Variants in ITPR2 observed in about 807,000 individuals in gnomAD.
ITPR2 encodes the protein inositol 1,4,5-trisphosphate receptor type 2, also known as inositol 1,4,5-trisphosphate-gated calcium channel ITPR2.
Under a neutral mutation model 317.1 loss-of-function variants are expected in ITPR2, and 207 were observed. That is an observed-to-expected ratio of 0.65 (90% confidence interval 0.58 to 0.73). The LOEUF (loss-of-function observed/expected upper bound fraction) is 0.73, where lower values mean the gene tolerates loss of function less well. Among genes scored for constraint, ITPR2 ranks in the 30% least tolerant of loss-of-function variants. ITPR2 has a pLI of 0.00. For missense variants in ITPR2, 2,613 were observed against 3,284.0 expected (o/e 0.80, Z 4.99); for synonymous variants, 1,156 against 1,149.1 (o/e 1.01, Z -0.12).
intron 49 of ITPR2, among the ~76,000 whole-genome samples, chr12:26,422,519 C>T (rs1307866776): frequency 6.6e-6 from 1 of 152,102 alleles, no homozygotes; most frequent in African/African-American, 2.4e-5. Flanking sequence ...CTTTGGTAAA[C>T]CCTCCTGGTG....
intron 21 of ITPR2, chr12:26,649,035 G>A (rs529369924): frequency 2.0e-5 from 3 of 152,138 alleles, no homozygotes; most frequent in Non-Finnish European, 4.4e-5. Flanking sequence ...AACATAAATC[G>A]TTTTCCTACC....
At chr12:26,354,168 G>T (rs1938563422) in intron 55 of ITPR2, among the ~76,000 whole-genome samples, 1 of 152,110 alleles carries the variant, frequency 6.6e-6, no homozygotes, top group African/African-American at 2.4e-5. Flanking sequence ...CAGCTACTCA[G>T]GAGACTGAGG....
intron 2 of ITPR2, among the ~76,000 whole-genome samples, chr12:26,727,637 C>T (rs965719356): frequency 6.6e-6 from 1 of 152,200 alleles, no homozygotes; most frequent in African/African-American, 2.4e-5. Flanking sequence ...TGAAGCCAAA[C>T]TTTCAGCCAA....
intron 2 of ITPR2, among the ~76,000 whole-genome samples, chr12:26,728,745 A>G (rs933173744): frequency 3.9e-5 from 6 of 152,228 alleles, no homozygotes; most frequent in African/African-American, 1.4e-4. Flanking sequence ...AGGGTTGCTG[A>G]GATGAGCAAA....
At chr12:26,356,934 T>C (rs939157456) in intron 55 of ITPR2, among the ~76,000 whole-genome samples, 1 of 152,252 alleles carries the variant, frequency 6.6e-6, no homozygotes, top group South Asian at 2.1e-4. Context: ...GACTTTAAGA[T>C]ACTGAAATAG....
chr12:26,457,371 G>C (rs1223122088), intron 45 of ITPR2, among the ~76,000 whole-genome samples: 1 of 152,172 alleles, frequency 6.6e-6, no homozygotes, highest in Non-Finnish European at 1.5e-5. Context: ...CCAGAGAGAG[G>C]GGAGATGGGG....
At chr12:26,398,075 T>A (rs1025167700) in intron 54 of ITPR2, among the ~76,000 whole-genome samples, 23 of 151,056 alleles carry the variant, frequency 1.5e-4, no homozygotes, top group African/African-American at 5.1e-4. Context: ...TGTGTGTGTG[T>A]GTGTGTGTGT....
chr12:26,550,886 C>A (rs1326061049), intron 36 of ITPR2, among the ~76,000 whole-genome samples: 1 of 151,766 alleles, frequency 6.6e-6, no homozygotes, highest in Non-Finnish European at 1.5e-5. Flanking sequence ...GTATTAAGAG[C>A]AAAAAACAAA....
intron 37 of ITPR2, among the ~76,000 whole-genome samples, chr12:26,514,914 A>G (rs1943447086): frequency 6.6e-6 from 1 of 152,258 alleles, no homozygotes; most frequent in Non-Finnish European, 1.5e-5. Flanking sequence ...GTCTGGAACT[A>G]TAACAAAAGA....
chr12:26,818,967 T>C (rs1302101749), intron 1 of ITPR2, among the ~76,000 whole-genome samples: 2 of 149,254 alleles, frequency 1.3e-5, no homozygotes, highest in African/African-American at 5.2e-5. Context: ...ATGATATACT[T>C]AAACTGGATT....
At chr12:26,340,093 A>C in intron 56 of ITPR2, 74 bp downstream of exon 56, 4 of 1,403,696 alleles carry the variant, frequency 2.8e-6, no homozygotes, top group Non-Finnish European at 3.8e-6. Context: ...GGCTCCCTGG[A>C]CCCTCTGTCT....
intron 37 of ITPR2, among the ~76,000 whole-genome samples, chr12:26,533,991 T>C: frequency 6.6e-6 from 1 of 152,156 alleles, no homozygotes; most frequent in East Asian, 1.9e-4. Context: ...TGACTAGAAC[T>C]ATACAAGTCA....
At chr12:26,357,776 G>C (rs1183223766) in intron 55 of ITPR2, among the ~76,000 whole-genome samples, 5 of 152,228 alleles carry the variant, frequency 3.3e-5, no homozygotes, top group Admixed American at 3.3e-4. Context: ...CTAAATAGCT[G>C]GTGTCAGACC....
chr12:26,665,729 C>T (rs1947610712), intron 14 of ITPR2, among the ~76,000 whole-genome samples, 181 bp downstream of exon 14: 1 of 152,158 alleles, frequency 6.6e-6, no homozygotes, highest in African/African-American at 2.4e-5. Flanking sequence ...GTGAGATCTG[C>T]CCATGTAAGC....
intron 13 of ITPR2, among the ~76,000 whole-genome samples, chr12:26,667,061 A>T (rs1452543446): frequency 1.6e-4 from 25 of 152,238 alleles, no homozygotes; most frequent in Admixed American, 1.4e-3. Flanking sequence ...TAAACAGTTA[A>T]ATTAGCTTCA....
intron 34 of ITPR2, among the ~76,000 whole-genome samples, chr12:26,573,281 A>C (rs939836753): frequency 2.0e-5 from 3 of 152,100 alleles, no homozygotes; most frequent in Non-Finnish European, 4.4e-5. Flanking sequence ...TCAAATACTT[A>C]TTAATTGGAC....
intron 39 of ITPR2, among the ~76,000 whole-genome samples, chr12:26,490,548 C>T (rs947889931): frequency 1.3e-5 from 2 of 152,360 alleles, no homozygotes; most frequent in Middle Eastern, 3.4e-3. Context: ...CGCAGTGGCT[C>T]ATGCCTGTAA....
intron 2 of ITPR2, among the ~76,000 whole-genome samples, chr12:26,778,657 C>T (rs772629686): frequency 6.6e-6 from 1 of 152,202 alleles, no homozygotes; most frequent in Non-Finnish European, 1.5e-5. Context: ...TTCAGAGAGA[C>T]CTTGATTGCT....
chr12:26,638,904 T>C (rs946878278), intron 21 of ITPR2, among the ~76,000 whole-genome samples: 7 of 152,156 alleles, frequency 4.6e-5, no homozygotes, highest in African/African-American at 1.7e-4. Flanking sequence ...TGTGGGAAAA[T>C]GTGATGTAAA....
Sources: allele counts gnomAD v4.1 joint callset (sites outside exome capture counted in the v4.1 genomes callset), GRCh38; gene constraint gnomAD v4.1.1; transcripts MANE v1.5; gene names NCBI Gene and HGNC (gene_info 2026-07-23, HGNC 2026-07-21).